MAP2: variants seen among roughly 807,000 people sequenced by gnomAD.
The protein encoded by MAP2 is microtubule associated protein 2.
In MAP2, 14 loss-of-function variants were observed where a neutral mutation model predicts 137.6. The ratio of observed to expected loss-of-function variants is 0.10; its 90% confidence interval spans 0.07 to 0.16. The LOEUF (loss-of-function observed/expected upper bound fraction) is 0.16. Ranked by LOEUF, MAP2 falls within the 10% of genes least tolerant of loss-of-function variation. The pLI is 1.00. For synonymous variants in MAP2, 786 were observed against 782.3 expected, an observed-to-expected ratio of 1.00 and a Z score of -0.08; for missense variants, 2,088 against 2,191.5, an observed-to-expected ratio of 0.95 and a Z score of 0.94.
chr2:209,588,667 CA>C (rs2078411619), intron 3 of MAP2, among the ~76,000 whole-genome samples: 1 of 151,954 alleles, frequency 6.6e-6, no homozygotes, highest in East Asian at 1.9e-4. Context: ...TTCATGTTAA[CA>C]TATACAGAAT....
At chr2:209,691,245 A>T (rs2058801080) in intron 7 of MAP2, among the ~76,000 whole-genome samples, 1 of 151,714 alleles carries the variant, frequency 6.6e-6, no homozygotes, top group South Asian at 2.1e-4. Flanking sequence ...CAAATCGTAC[A>T]GTTGGATTTT....
chr2:209,554,405 G>A (rs957109915), intron 2 of MAP2, among the ~76,000 whole-genome samples: 1 of 152,218 alleles, frequency 6.6e-6, no homozygotes, highest in Non-Finnish European at 1.5e-5. Context: ...GATTCAGACA[G>A]ATGTAAGCAT....
In MAP2 at chr2:209,644,670, C is replaced by CAGAAAA. The variant is rs527801970; in HGVS notation, c.-29-8471_-29-8470insGAAAAA. On this transcript the variant is annotated intron_variant, in intron 4 of 15. Transcript: ENST00000682079. Reference sequence around the variant, plus strand: ...TGGGCAACGACGTGGGACCCTGTCTCAAAAAAAAAAAAAAAAAAAAAGACA... The same window carrying CAGAAAA: ...TGGGCAACGACGTGGGACCCTGTCTCAGAAAAAAAAAAAAAAAAAAAAAAAAAGACA... Among the ~76,000 whole-genome samples the CAGAAAA allele has an allele frequency of 7.3e-5, 5 of 68,580 alleles. No homozygotes were observed. In the East Asian group the frequency reaches 2.8e-3, roughly 39 times the overall value. The allele number at this position is 68,580 out of a possible 152,430, so 45.0% of individuals were successfully genotyped here.
intron 1 of MAP2, among the ~76,000 whole-genome samples, chr2:209,446,120 A>G (rs1408661342): frequency 6.6e-6 from 1 of 151,836 alleles, no homozygotes; most frequent in East Asian, 1.9e-4. Flanking sequence ...AAAAAAAAGT[A>G]AAATTATTTA....
At chr2:209,640,466 A>G (rs1509472) in intron 4 of MAP2, among the ~76,000 whole-genome samples, 19,778 of 151,958 alleles carry the variant, frequency 0.13, 2,500 homozygotes, top group African/African-American at 0.33. Flanking sequence ...AATTGATTCT[A>G]TAATGTTCAT....
intron 1 of MAP2, among the ~76,000 whole-genome samples, chr2:209,454,470 G>A (rs1025530486): frequency 1.3e-5 from 2 of 151,932 alleles, no homozygotes; most frequent in African/African-American, 2.4e-5. Flanking sequence ...CGAGTAGCTG[G>A]GATTAGAGGC....
chr2:209,455,298 G>C (rs1701280705), intron 1 of MAP2, among the ~76,000 whole-genome samples: 1 of 151,982 alleles, frequency 6.6e-6, no homozygotes, highest in African/African-American at 2.4e-5. Flanking sequence ...TCTGTCCAAG[G>C]TCACACAGAT....
chr2:209,467,356 A>C (rs1251864871), intron 1 of MAP2, among the ~76,000 whole-genome samples: 1 of 152,128 alleles, frequency 6.6e-6, no homozygotes, highest in African/African-American at 2.4e-5. Context: ...TCTCCTGATT[A>C]ATCATTTCTA....
intron 2 of MAP2, among the ~76,000 whole-genome samples, chr2:209,554,385 G>A (rs1198994426): frequency 6.6e-6 from 1 of 152,146 alleles, no homozygotes; most frequent in Non-Finnish European, 1.5e-5. Flanking sequence ...TCTTCTACCC[G>A]AGGGTGTAGG....
At chr2:209,545,356 C>G (rs951545642) in intron 2 of MAP2, among the ~76,000 whole-genome samples, 1 of 152,170 alleles carries the variant, frequency 6.6e-6, no homozygotes, top group Non-Finnish European at 1.5e-5. Context: ...ACTATTGGGT[C>G]TCTAAACCAG....
intron 10 of MAP2, 98 bp downstream of exon 10, chr2:209,697,149 C>A: frequency 7.9e-7 from 1 of 1,262,274 alleles, no homozygotes; most frequent in Non-Finnish European, 1.1e-6. Flanking sequence ...GTTTTTCTTC[C>A]AAGAATCTCA....
intron 3 of MAP2, among the ~76,000 whole-genome samples, chr2:209,592,860 T>C (rs2079633533): frequency 6.6e-6 from 1 of 152,174 alleles, no homozygotes; most frequent in African/African-American, 2.4e-5. Flanking sequence ...TATTCTCGCC[T>C]CTGTTCTGTG....
chr2:209,575,528 A>T (rs2075231062), intron 2 of MAP2, among the ~76,000 whole-genome samples: 1 of 150,580 alleles, frequency 6.6e-6, no homozygotes, highest in African/African-American at 2.4e-5. Context: ...CAAAAAAAAA[A>T]AAAAAAAAAA....
chr2:209,696,397 A>G (rs372767065), intron 8 of MAP2, 47 bp downstream of exon 8: 1 of 1,518,268 alleles, frequency 6.6e-7, no homozygotes. Flanking sequence ...CAATAACCTT[A>G]TGGGAATTTT....
intron 1 of MAP2, among the ~76,000 whole-genome samples, chr2:209,474,968 T>C (rs1453040654): frequency 1.3e-5 from 2 of 152,080 alleles, no homozygotes; most frequent in Admixed American, 6.6e-5. Context: ...TTGCAAGTAA[T>C]GGGTTTTCAC....
intron 4 of MAP2, among the ~76,000 whole-genome samples, chr2:209,642,945 G>A (rs2094145571): frequency 6.6e-6 from 1 of 152,136 alleles, no homozygotes; most frequent in Non-Finnish European, 1.5e-5. Context: ...GATATGCATA[G>A]TAACAGTATA....
At chr2:209,448,581 G>A (rs1699624638) in intron 1 of MAP2, among the ~76,000 whole-genome samples, 1 of 152,130 alleles carries the variant, frequency 6.6e-6, no homozygotes, top group South Asian at 2.1e-4. Flanking sequence ...TGGCAGGATG[G>A]TGGTCCCTAT....
intron 2 of MAP2, among the ~76,000 whole-genome samples, chr2:209,513,012 G>A (rs1404224816): frequency 1.3e-5 from 2 of 152,066 alleles, no homozygotes; most frequent in African/African-American, 4.8e-5. Context: ...GCTCTGTTGA[G>A]TAGTATTATA....
intron 2 of MAP2, among the ~76,000 whole-genome samples, chr2:209,559,844 T>C (rs1260305995): frequency 6.6e-6 from 1 of 152,186 alleles, no homozygotes; most frequent in African/African-American, 2.4e-5. Context: ...CAAGGACTTC[T>C]TGTTCCTTTT....
Sources: gnomAD v4.1 joint callset for allele counts (sites outside exome capture counted in the v4.1 genomes callset) on GRCh38, gnomAD v4.1.1 for gene constraint, MANE v1.5 for transcripts, NCBI Gene and HGNC (gene_info 2026-07-23, HGNC 2026-07-21) for gene names.